SYNE1: variants seen among roughly 807,000 people sequenced by gnomAD.
SYNE1 encodes the protein spectrin repeat containing nuclear envelope protein 1.
Under a neutral mutation model 1,111.0 loss-of-function variants are expected in SYNE1, and 616 were observed. The observed-to-expected ratio is 0.55, with a 90% CI of 0.52 to 0.59. The LOEUF (loss-of-function observed/expected upper bound fraction) is 0.59, where lower values mean the gene tolerates loss of function less well. SYNE1 is among the 20% of genes least tolerant of loss of function. The probability of loss-of-function intolerance (pLI) is 0.00; values close to 1 mark genes in which losing one functional copy is unlikely to be tolerated. For synonymous variants in SYNE1, 3,855 were observed against 3,825.8 expected, an observed-to-expected ratio of 1.01 and a Z score of -0.28; for missense variants, 10,006 against 10,417.0, an observed-to-expected ratio of 0.96 and a Z score of 1.72.
At chr6:152,589,994 G>T (rs956947545) in intron 3 of SYNE1, among the ~76,000 whole-genome samples, 7 of 149,248 alleles carry the variant, frequency 4.7e-5, no homozygotes, top group African/African-American at 1.7e-4. Flanking sequence ...GCACCTAGTG[G>T]TGCCACCATA....
chr6:152,411,522 C>G (rs1374948520), intron 42 of SYNE1, among the ~76,000 whole-genome samples: 1 of 151,416 alleles, frequency 6.6e-6, no homozygotes, highest in Non-Finnish European at 1.5e-5. Flanking sequence ...AAAAAGACCT[C>G]AATAACAAAA....
At chr6:152,147,976 G>A (rs1281575825) in intron 137 of SYNE1, 69 bp downstream of exon 137, 12 of 1,336,630 alleles carry the variant, frequency 9.0e-6, no homozygotes, top group East Asian at 2.3e-5. Flanking sequence ...TAGCTGTCAT[G>A]TTTCCAGGGC....
chr6:152,327,625 T>C (rs547698859), intron 78 of SYNE1, among the ~76,000 whole-genome samples: 1 of 152,280 alleles, frequency 6.6e-6, no homozygotes, highest in East Asian at 1.9e-4. Flanking sequence ...CAGCAAAGCA[T>C]AGAATCAGCG....
intron 127 of SYNE1, 106 bp downstream of exon 127, chr6:152,201,718 T>C: frequency 6.5e-7 from 1 of 1,546,180 alleles, no homozygotes; most frequent in Non-Finnish European, 8.9e-7. Flanking sequence ...TACTAGGATC[T>C]TGTATCTGCA....
rs2153409793 is a variant in SYNE1 at position 152,208,204 on chromosome 6, T to A, written c.22592A>T (p.Asp7531Val). The A allele has an allele frequency of 6.2e-7, 1 of 1,613,680 alleles. No homozygotes were observed. Among genetic ancestry groups the A allele is most frequent in the Non-Finnish European group, 8.5e-7 (1 of 1,179,734 alleles). Residue 7531 changes from aspartate (D) to valine (V), a missense_variant and splice_region_variant, in exon 125 of 146, where the codon GAT (aspartate) becomes GTT (valine). Physicochemically the swap from Asp to Val is radical, Grantham distance 152 (BLOSUM62 -3). Coordinates refer to ENST00000367255, the MANE Select transcript of SYNE1 (RefSeq NM_182961.4). Reference sequence around the variant, plus strand: ...GAGTGTCAATTTCAGGTTGAATTCATCCCTAGTGAAGAAATAATTACATGG... The same window carrying A: ...GAGTGTCAATTTCAGGTTGAATTCAACCCTAGTGAAGAAATAATTACATGG... ...LLEQGQVDDRDEFNLKLTLLS... is the reference protein window; with the variant it reads ...LLEQGQVDDRVEFNLKLTLLS...
chr6:152,206,037 A>T, intron 126 of SYNE1, 131 bp downstream of exon 126: 1 of 1,001,854 alleles, frequency 1.0e-6, no homozygotes, highest in Non-Finnish European at 1.5e-6. Flanking sequence ...TAAATAAAAC[A>T]CAGAGAATCA....
chr6:152,492,468 C>T (rs1392571150), intron 11 of SYNE1, among the ~76,000 whole-genome samples: 1 of 152,224 alleles, frequency 6.6e-6, no homozygotes, highest in African/African-American at 2.4e-5. Context: ...AGGACCTTCT[C>T]CCCCAGGATC....
chr6:152,507,669 A>G (rs2098055771), intron 8 of SYNE1, among the ~76,000 whole-genome samples: 1 of 152,172 alleles, frequency 6.6e-6, no homozygotes, highest in South Asian at 2.1e-4. Flanking sequence ...ATTTACTTCA[A>G]GCTGCTTTTA....
In SYNE1 at chr6:152,354,885, G is replaced by A. The variant is rs2154051091; in HGVS notation, c.10700C>T (p.Ala3567Val). The part of the protein sequence containing the change: ...EDVIPSGIPQ[A>V]EDRALESLRQ... ...GAGAGACTCTAAAGCCCGGTCCTCT[G>A]CCTGTGGGATACCTGATGGGATCAC... is the stretch of plus-strand genomic sequence containing the variant. The change falls in exon 67 of 146, where the codon GCA becomes GTA. Residue 3567 changes from alanine (A) to valine (V), a missense_variant. Transcript: ENST00000367255. The A allele has an allele frequency of 1.2e-6, 2 of 1,614,164 alleles. No individual in the cohort carries two copies. The highest frequency in any genetic ancestry group is 1.7e-6 in the Non-Finnish European group (2 of 1,180,044).
intron 3 of SYNE1, among the ~76,000 whole-genome samples, chr6:152,576,583 C>T (rs1010062234): frequency 1.3e-5 from 2 of 152,142 alleles, no homozygotes; most frequent in African/African-American, 4.8e-5. Context: ...CAAAAAGACA[C>T]AGGTATTTTC....
In SYNE1 at chr6:152,362,143, A is replaced by G. The variant is rs181220837; in HGVS notation, c.10299+27T>C. Reference sequence around the variant, plus strand: ...ATTCTAAAGAAGCCTGTGAGAAAACACATGGAATCTGAAATCCAGCTCTCA... The same window carrying G: ...ATTCTAAAGAAGCCTGTGAGAAAACGCATGGAATCTGAAATCCAGCTCTCA... On this transcript the variant is annotated intron_variant, in intron 64 of 145. Transcript: ENST00000367255. 3.8e-3 allele frequency: 6,154 copies of G among 1,614,182 alleles called. 14 individuals are homozygous for G. The highest frequency in any genetic ancestry group is 4.8e-3 in the Non-Finnish European group (5,661 of 1,180,010).
At chr6:152,161,176 C>A (rs1586560662) in intron 131 of SYNE1, among the ~76,000 whole-genome samples, 1 of 146,908 alleles carries the variant, frequency 6.8e-6, no homozygotes, top group African/African-American at 2.5e-5. Context: ...AGTAATGTAA[C>A]AAAAATATAA....
intron 145 of SYNE1, chr6:152,125,488 A>G (rs1431973299): frequency 1.7e-6 from 2 of 1,193,732 alleles, no homozygotes; most frequent in Non-Finnish European, 2.3e-6. Flanking sequence ...CTCATTTGCA[A>G]TGATTCAATG....
At chr6:152,207,635 G>A (rs913191858) in intron 125 of SYNE1, among the ~76,000 whole-genome samples, 7 of 152,182 alleles carry the variant, frequency 4.6e-5, no homozygotes, top group East Asian at 1.9e-4. Context: ...CTCAAGTTAC[G>A]TGTTTAAATT....
At chr6:152,230,212 T>A (rs2153507479) in intron 115 of SYNE1, among the ~76,000 whole-genome samples, 1 of 152,212 alleles carries the variant, frequency 6.6e-6, no homozygotes, top group Non-Finnish European at 1.5e-5. Flanking sequence ...TTTTTGTAGC[T>A]TTTTGTAGAG....
rs780285622 is a variant in SYNE1, at chr6:152,141,252, C to G, written c.25197G>C (p.Glu8399Asp). Residue 8399 changes from glutamate to aspartate, a missense_variant, in exon 139 of 146, where the codon GAG (glutamate) becomes GAC (aspartate). Glu to Asp is a conservative substitution (Grantham distance 45). This residue lies in a region of SYNE1 where 761 missense variants were observed against 795.5 expected (regional missense o/e 0.96). Transcript: ENST00000367255. ...GCAGGTTAACAAAGCCAGGAAGGCT[C>G]TCCTCTTCCTCCTTCAGTTTGTGCT... ...RLEHKLKEEE[E>D]SLPGFVNLHS... The G allele has an allele frequency of 6.2e-7, 1 of 1,614,176 alleles. No homozygotes were observed. Among genetic ancestry groups the G allele is most frequent in the Admixed American group, 1.7e-5 (1 of 60,026 alleles).
At chr6:152,188,954 T>C (rs2071111849) in intron 128 of SYNE1, among the ~76,000 whole-genome samples, 1 of 30,294 alleles carries the variant, frequency 3.3e-5, no homozygotes, top group Non-Finnish European at 5.5e-5. Context: ...TGAGACTCTG[T>C]CTCAAAAAAA....
At chr6:152,443,068 T>G (rs1345989673) in intron 30 of SYNE1, among the ~76,000 whole-genome samples, 2 of 152,200 alleles carry the variant, frequency 1.3e-5, no homozygotes, top group Non-Finnish European at 2.9e-5. Flanking sequence ...TCAAATAGAA[T>G]AGTACATAAA....
intron 86 of SYNE1, 30 bp from the exon 87 acceptor site, chr6:152,317,016 A>T (rs1373891586): frequency 1.9e-6 from 3 of 1,612,610 alleles, no homozygotes; most frequent in Non-Finnish European, 2.5e-6. Flanking sequence ...AATGTAACAA[A>T]TGTAAACTCC....
Sources: gnomAD v4.1 joint callset for allele counts (sites outside exome capture counted in the v4.1 genomes callset) on GRCh38, gnomAD v4.1.1 for gene constraint, gnomAD v4.1.1 regional missense constraint, MANE v1.5 for transcripts, NCBI Gene and HGNC (gene_info 2026-07-23, HGNC 2026-07-21) for gene names.